PARD3B: variants seen among roughly 807,000 people sequenced by gnomAD.
PARD3B encodes partitioning defective 3 homolog B.
A neutral mutation model predicts 130.2 loss-of-function variants in PARD3B; 103 were observed. The observed-to-expected ratio is 0.79, with a 90% CI of 0.67 to 0.93. The LOEUF (loss-of-function observed/expected upper bound fraction) is 0.93, where lower values mean the gene tolerates loss of function less well. Among genes scored for constraint, PARD3B ranks in the 40% least tolerant of loss-of-function variants. PARD3B has a pLI of 0.00. For missense variants in PARD3B, 1,609 were observed against 1,499.2 expected, an observed-to-expected ratio of 1.07 and a Z score of -1.21; for synonymous variants, 583 against 553.2, an observed-to-expected ratio of 1.05 and a Z score of -0.76.
chr2:205,271,441 T>C (rs2040720601), intron 16 of PARD3B, among the ~76,000 whole-genome samples: 1 of 152,196 alleles, frequency 6.6e-6, no homozygotes, highest in African/African-American at 2.4e-5. Context: ...TGCTCAACTT[T>C]TAATTATTGA....
intron 15 of PARD3B, among the ~76,000 whole-genome samples, chr2:205,215,892 A>G (rs1016017572): frequency 2.0e-5 from 3 of 152,088 alleles, no homozygotes; most frequent in Non-Finnish European, 4.4e-5. Context: ...AATCTAATCT[A>G]TATAATACAC....
chr2:204,892,746 T>C (rs185234184), intron 2 of PARD3B, among the ~76,000 whole-genome samples: 40 of 152,218 alleles, frequency 2.6e-4, no homozygotes, highest in Admixed American at 2.6e-3. Flanking sequence ...ATGGATTAGA[T>C]GTGGGGAAAC....
At chr2:204,950,745 T>C (rs1323803745) in intron 2 of PARD3B, among the ~76,000 whole-genome samples, 1 of 152,250 alleles carries the variant, frequency 6.6e-6, no homozygotes, top group East Asian at 1.9e-4. Flanking sequence ...TCAAGAAATA[T>C]GAACTAGACA....
intron 21 of PARD3B, among the ~76,000 whole-genome samples, chr2:205,523,056 G>A (rs2051152531): frequency 6.6e-6 from 1 of 151,304 alleles, no homozygotes; most frequent in African/African-American, 2.4e-5. Flanking sequence ...GTTGAATTGT[G>A]CCATTTGATT....
chr2:205,222,902 G>T (rs2038318806), intron 15 of PARD3B, among the ~76,000 whole-genome samples: 1 of 151,282 alleles, frequency 6.6e-6, no homozygotes, highest in Non-Finnish European at 1.5e-5. Context: ...TAGTATCGTT[G>T]TAAACTGTAA....
At chr2:204,691,512 T>TCA (rs2037351418) in intron 2 of PARD3B, among the ~76,000 whole-genome samples, 1 of 152,142 alleles carries the variant, frequency 6.6e-6, no homozygotes, top group Non-Finnish European at 1.5e-5. Context: ...TATCTCCTAT[T>TCA]AGTTATCAGT....
At chr2:204,838,546 T>C (rs1302182345) in intron 2 of PARD3B, among the ~76,000 whole-genome samples, 1 of 152,142 alleles carries the variant, frequency 6.6e-6, no homozygotes, top group Non-Finnish European at 1.5e-5. Flanking sequence ...AAAATTTTTC[T>C]TTCAAAGAAG....
At chr2:205,332,695 C>T (rs1218412745) in intron 18 of PARD3B, among the ~76,000 whole-genome samples, 1 of 152,158 alleles carries the variant, frequency 6.6e-6, no homozygotes, top group African/African-American at 2.4e-5. Flanking sequence ...TCTCCTTCAT[C>T]TGGATTAAAT....
chr2:205,191,075 G>C (rs376698140), intron 14 of PARD3B, among the ~76,000 whole-genome samples: 3 of 97,730 alleles, frequency 3.1e-5, no homozygotes, highest in Non-Finnish European at 6.9e-5. Context: ...GAAAGAAATA[G>C]AAAAAAAAAA....
chr2:205,177,530 ATATAT>A (rs2035541989), intron 13 of PARD3B, among the ~76,000 whole-genome samples: 1 of 152,182 alleles, frequency 6.6e-6, no homozygotes. Flanking sequence ...GGTAAGTACC[ATATAT>A]TATGTAATCA....
intron 2 of PARD3B, among the ~76,000 whole-genome samples, chr2:204,748,471 G>A (rs2040334670): frequency 1.3e-5 from 2 of 152,094 alleles, no homozygotes; most frequent in Admixed American, 6.6e-5. Context: ...AGGATATGAA[G>A]TCTAGAGGGA....
rs578249565 is a variant in PARD3B at position 204,664,718 on chromosome 2, A to G, written c.121-21463A>G. Among the ~76,000 whole-genome samples, 4 of 152,246 alleles carry G rather than the reference A, an allele frequency of 2.6e-5. No individual in the cohort carries two copies. The highest frequency in any genetic ancestry group is 4.8e-5 in the African/African-American group (2 of 41,552). On this transcript the variant is annotated intron_variant, in intron 1 of 22. Coordinates refer to ENST00000406610, the MANE Select transcript of PARD3B (RefSeq NM_001302769.2). The surrounding 1 kb of genome is among the most constrained non-coding windows in gnomAD (Gnocchi z 5.2). ...ATTAGCAGGGCTTATTTCTTTGGCT[A>G]TATTTCCTGATAATAGTTTTCTGTA...
chr2:205,206,721 G>A (rs1283210163), intron 15 of PARD3B, among the ~76,000 whole-genome samples: 1 of 151,874 alleles, frequency 6.6e-6, no homozygotes, highest in Non-Finnish European at 1.5e-5. Context: ...TAGTCCTTTG[G>A]GTATATACCC....
Position 205,619,489 on chromosome 2 carries a change from T to C in PARD3B, c.*3676T>C, listed in dbSNP as rs1300653615. On this transcript the variant is annotated 3_prime_UTR_variant, in exon 23 of 23. Transcript: ENST00000406610. ...CTGAGTCTACGAGCAACAGAAAGAC[T>C]GGTCTTAGTGCAATTAGGCAGGAGG... The C allele has an allele frequency of 6.6e-6, 1 of 152,146 alleles. No homozygotes were observed. The highest frequency in any genetic ancestry group is 6.5e-5 in the Admixed American group (1 of 15,278). 9.4% of individuals were successfully genotyped at this position (152,146 alleles called of 1,614,324 possible). A position where few individuals can be genotyped will look rare whatever the true frequency, so the allele number is the denominator to read the frequency against.
rs779585765 is a variant in PARD3B at position 205,245,795 on chromosome 2, G to A, written c.2158G>A (p.Val720Ile). ...CTCCTCAGTGCCAGATGAAAGCAAGGTTCACTCATTGGCTGGACAAAAATC... is the reference window on the plus strand; with the variant it reads ...CTCCTCAGTGCCAGATGAAAGCAAGATTCACTCATTGGCTGGACAAAAATC... ...SMDLVPDESKVHSLAGQKSES... is the reference protein window; with the variant it reads ...SMDLVPDESKIHSLAGQKSES... Residue 720 changes from valine to isoleucine, a missense_variant, in exon 16 of 23, where the codon GTT (valine) becomes ATT (isoleucine). Physicochemically the swap from Val to Ile is conservative, Grantham distance 29 (BLOSUM62 3). Coordinates refer to ENST00000406610, the MANE Select transcript of PARD3B (RefSeq NM_001302769.2). 1.2e-6 allele frequency: 2 copies of A among 1,602,820 alleles called. No individual in the cohort carries two copies. The highest frequency in any genetic ancestry group is 1.3e-5 in the African/African-American group (1 of 74,664).
chr2:205,296,931 A>T (rs1163219662), intron 16 of PARD3B, among the ~76,000 whole-genome samples: 6 of 151,706 alleles, frequency 4.0e-5, no homozygotes, highest in Admixed American at 3.9e-4. Flanking sequence ...TTAAGAGAAA[A>T]TTTGGCACCT....
At chr2:204,829,738 GC>G (rs2043732705) in intron 2 of PARD3B, among the ~76,000 whole-genome samples, 1 of 152,028 alleles carries the variant, frequency 6.6e-6, no homozygotes, top group East Asian at 1.9e-4. Context: ...GGTGGCTCAC[GC>G]CTGTAATCCC....
chr2:204,659,199 A>G (rs2035725281), intron 1 of PARD3B, among the ~76,000 whole-genome samples: 1 of 152,172 alleles, frequency 6.6e-6, no homozygotes, highest in Non-Finnish European at 1.5e-5. Context: ...TTAGTTTTCT[A>G]GGTTGGAAGA....
chr2:205,583,405 G>GCGCA (rs2054073122), intron 22 of PARD3B, among the ~76,000 whole-genome samples: 1 of 80,360 alleles, frequency 1.2e-5, no homozygotes, highest in South Asian at 7.2e-4. Flanking sequence ...GTGTGTGCGC[G>GCGCA]CGCACGCGCG....
Sources: gnomAD v4.1 joint callset for allele counts (sites outside exome capture counted in the v4.1 genomes callset) on GRCh38, gnomAD v4.1.1 for gene constraint, Gnocchi (gnomAD v3.1) non-coding constraint, MANE v1.5 for transcripts, NCBI Gene and HGNC (gene_info 2026-07-23, HGNC 2026-07-21) for gene names.